Variants in PXDN observed in about 807,000 individuals in gnomAD.
PXDN encodes the protein peroxidasin homolog.
A neutral mutation model predicts 140.3 loss-of-function variants in PXDN; 77 were observed. The ratio of observed to expected loss-of-function variants is 0.55; its 90% CI spans 0.46 to 0.66. PXDN has a LOEUF of 0.66. PXDN is among the 30% of genes least tolerant of loss of function. The pLI is 0.00. For synonymous variants in PXDN, 911 were observed against 857.4 expected, an observed-to-expected ratio of 1.06 and a Z score of -1.09; for missense variants, 1,838 against 2,039.5, an observed-to-expected ratio of 0.90 and a Z score of 1.90.
intron 21 of PXDN, 184 bp from the exon 22 acceptor site, chr2:1,635,705 C>A (rs928043281): frequency 1.6e-6 from 1 of 612,082 alleles, no homozygotes; most frequent in Non-Finnish European, 3.0e-6. Flanking sequence ...GCTGACCACA[C>A]GCCCCAATGG....
rs1302474433 is a variant in PXDN, at chr2:1,632,909, T to G, written c.*1295A>C. On this transcript the variant is annotated 3_prime_UTR_variant, in exon 23 of 23. Transcript: ENST00000252804. The surrounding 1 kb of genome is among the most constrained non-coding windows in gnomAD (Gnocchi z 4.3). ...ACTGTGCCTGGCACATGGTGGATAC[T>G]CAGGTCAGCGTGCTGCACTGAAGCT... is the stretch of plus-strand genomic sequence containing the variant. 6.6e-6 allele frequency: 1 copy of G among 152,576 alleles called. No homozygotes were observed. The highest frequency in any genetic ancestry group is 1.9e-4 in the East Asian group (1 of 5,166). 9.5% of individuals were successfully genotyped at this position (152,576 alleles called of 1,614,324 possible). A position where few individuals can be genotyped will look rare whatever the true frequency, so the allele number is the denominator to read the frequency against.
chr2:1,730,208 A>G (rs1469417113), intron 1 of PXDN, among the ~76,000 whole-genome samples: 2 of 152,116 alleles, frequency 1.3e-5, no homozygotes, highest in Non-Finnish European at 2.9e-5. Context: ...TAACATGAAC[A>G]TGTGTAACTT....
chr2:1,666,347 G>A lies in PXDN; in HGVS notation c.1158C>T (p.Asp386=), dbSNP rs1200267515. ...CAGAAGGCGTGATGTTCACCCGCGG[G>A]TCAACTGGCAAGGGTGTGCGGTCAC... ...TRGDRTPLPV[D]PRVNITPSGG... is the part of the protein sequence containing the mutation. Residue 386 remains aspartate (D), a synonymous_variant, in exon 10 of 23, where the codon GAC becomes GAT. Transcript: ENST00000252804. 1.2e-6 allele frequency: 2 copies of A among 1,614,060 alleles called. No individual in the cohort carries two copies. Among genetic ancestry groups the A allele is most frequent in the Admixed American group, 3.3e-5 (2 of 60,030 alleles).
rs1553359698 is a variant in PXDN at position 1,658,083 on chromosome 2, T to TCTCTCTCTCTCTCTCTCTCCCC, written c.1837+2797_1837+2798insGGGGAGAGAGAGAGAGAGAGAG. On this transcript the variant is annotated intron_variant, in intron 14 of 22. Coordinates refer to ENST00000252804, the MANE Select transcript of PXDN (RefSeq NM_012293.3). ...CTCTCTCTCTCTCTCTCTCTCTCTCTCTCTCTCTCTGTTACAGTGTCTGCG... is the reference window on the plus strand; with the variant it reads ...CTCTCTCTCTCTCTCTCTCTCTCTCTCTCTCTCTCTCTCTCTCTCCCCCTCTCTCTCTGTTACAGTGTCTGCG... 7.7e-5 allele frequency among the ~76,000 whole-genome samples: 6 copies of TCTCTCTCTCTCTCTCTCTCCCC among 77,752 alleles called. 1 individual carries two copies. Among genetic ancestry groups the TCTCTCTCTCTCTCTCTCTCCCC allele is most frequent in the African/African-American group, 3.4e-4 (6 of 17,576 alleles). 51.0% of individuals were successfully genotyped at this position (77,752 alleles called of 152,430 possible).
At chr2:1,738,529 C>G (rs559848734) in intron 1 of PXDN, among the ~76,000 whole-genome samples, 55 of 150,818 alleles carry the variant, frequency 3.6e-4, no homozygotes, top group African/African-American at 1.3e-3. Flanking sequence ...TGGGAATCAG[C>G]ATAATGCAAG....
At chr2:1,736,719 T>A (rs1476606432) in intron 1 of PXDN, among the ~76,000 whole-genome samples, 1 of 151,628 alleles carries the variant, frequency 6.6e-6, no homozygotes, top group Non-Finnish European at 1.5e-5. Context: ...GTGCCTATAG[T>A]CCCAGCTACT....
chr2:1,743,270 C>A (rs1394161702), intron 1 of PXDN, among the ~76,000 whole-genome samples: 1 of 152,216 alleles, frequency 6.6e-6, no homozygotes, highest in African/African-American at 2.4e-5. Flanking sequence ...TCCGGTTAAA[C>A]GTATAGCGCA....
chr2:1,724,124 C>T (rs1028117218), intron 1 of PXDN, among the ~76,000 whole-genome samples: 4 of 152,166 alleles, frequency 2.6e-5, no homozygotes, highest in African/African-American at 7.2e-5. Context: ...CATTTTGTCT[C>T]CAAAGCCATG....
chr2:1,711,585 T>TCC (rs1558521620), intron 1 of PXDN, among the ~76,000 whole-genome samples: 1 of 62,190 alleles, frequency 1.6e-5, no homozygotes, highest in African/African-American at 9.0e-5. Context: ...CAGCACCCAC[T>TCC]CCACCAGCAC....
chr2:1,673,743 G>A lies in PXDN; in HGVS notation c.918C>T (p.Asn306=). The change falls in exon 9 of 23, where the codon AAC becomes AAT. Residue 306 remains asparagine, a synonymous_variant. Coordinates refer to ENST00000252804, the MANE Select transcript of PXDN (RefSeq NM_012293.3). ...AGATACCCTGGTCTGTCTCCTGTGT[G>A]TTCTGGATCATCAGGGTCCCATCGT... The part of the protein sequence containing the change: ...LLDDGTLMIQ[N]TQETDQGIYQ... 1 of 1,613,984 alleles carries A rather than the reference G, an allele frequency of 6.2e-7. No homozygotes were observed. The highest frequency in any genetic ancestry group is 8.5e-7 in the Non-Finnish European group (1 of 1,179,878).
At chr2:1,700,374 T>TC (rs1208557865) in intron 1 of PXDN, among the ~76,000 whole-genome samples, 3 of 152,224 alleles carry the variant, frequency 2.0e-5, no homozygotes, top group Non-Finnish European at 4.4e-5. Flanking sequence ...TGTCTGGATT[T>TC]TTTTTTTCTT....
At chr2:1,744,176 C>T in intron 1 of PXDN, 80 bp downstream of exon 1, 1 of 1,327,054 alleles carries the variant, frequency 7.5e-7, no homozygotes, top group Non-Finnish European at 9.7e-7. Flanking sequence ...TCCGCGCCCC[C>T]CACCTCCGAT....
chr2:1,740,712 C>T (rs896758440), intron 1 of PXDN, among the ~76,000 whole-genome samples: 10 of 152,150 alleles, frequency 6.6e-5, no homozygotes, highest in African/African-American at 2.4e-4. Flanking sequence ...CTCTGGGGGC[C>T]CCACTGGACT....
rs1287973214 is a variant in PXDN, at chr2:1,649,055, A to G, written c.2725T>C (p.Tyr909His). The change falls in exon 17 of 23, where the codon TAC becomes CAC. Residue 909 changes from tyrosine to histidine, a missense_variant. By Grantham distance (83) the Tyr-to-His change is moderately conservative. Transcript: ENST00000252804. This position sits in a 1 kb window ranked among gnomAD's most constrained non-coding sequence, Gnocchi z 7.1. ...CCGTACACGTTGGATGCGTCTATGTAGGAGGTGAGCTGGTTGATCTGCTCC... is the reference window on the plus strand; with the variant it reads ...CCGTACACGTTGGATGCGTCTATGTGGGAGGTGAGCTGGTTGATCTGCTCC... ...PREQINQLTS[Y>H]IDASNVYGST... 7 of 1,612,368 alleles carry G rather than the reference A, an allele frequency of 4.3e-6. No homozygotes were observed. The highest frequency in any genetic ancestry group is 5.9e-6 in the Non-Finnish European group (7 of 1,179,662).
At chr2:1,686,413 C>A (rs1041699949) in intron 4 of PXDN, among the ~76,000 whole-genome samples, 1 of 135,560 alleles carries the variant, frequency 7.4e-6, no homozygotes, top group Admixed American at 7.2e-5. Flanking sequence ...CCTCATTCAG[C>A]CTCGTTTCTC....
intron 6 of PXDN, among the ~76,000 whole-genome samples, chr2:1,681,272 AAC>A (rs1491383625): frequency 6.6e-6 from 1 of 151,826 alleles, no homozygotes; most frequent in East Asian, 1.9e-4. Context: ...CATGGCAGGA[AAC>A]ACACTATCTT....
chr2:1,706,305 A>G (rs1390931018), intron 1 of PXDN, among the ~76,000 whole-genome samples: 1 of 152,198 alleles, frequency 6.6e-6, no homozygotes, highest in Non-Finnish European at 1.5e-5. Context: ...CCTCCATGTG[A>G]TATCAAGTCC....
At chr2:1,683,546 A>ACATGTTTTTCATTTTGCTCTCTATGG in intron 6 of PXDN, 110 bp downstream of exon 6, 1 of 434,336 alleles carries the variant, frequency 2.3e-6, no homozygotes, top group Non-Finnish European at 3.5e-6. Context: ...ATTCTTTCAG[A>ACATGTTTTTCATTTTGCTCTCTATGG]ATCAGATTGT....
intron 1 of PXDN, among the ~76,000 whole-genome samples, chr2:1,731,049 G>A (rs1211073873): frequency 6.6e-6 from 1 of 152,008 alleles, no homozygotes; most frequent in Non-Finnish European, 1.5e-5. Flanking sequence ...CCAGAACACA[G>A]AAGCAAGCAA....
Sources: allele counts gnomAD v4.1 joint callset (sites outside exome capture counted in the v4.1 genomes callset), GRCh38; gene constraint gnomAD v4.1.1; non-coding constraint Gnocchi (gnomAD v3.1); transcripts MANE v1.5; gene names NCBI Gene and HGNC (gene_info 2026-07-23, HGNC 2026-07-21).